SMIM24: variants seen among roughly 807,000 people sequenced by gnomAD.
The protein encoded by SMIM24 is MAP17-related dimer.
A neutral mutation model predicts 10.8 loss-of-function variants in SMIM24; 6 were observed. The observed-to-expected ratio is 0.55, with a 90% confidence interval of 0.30 to 1.09. The LOEUF (loss-of-function observed/expected upper bound fraction) is 1.09. SMIM24 is among the 50% of genes least tolerant of loss of function. The probability of loss-of-function intolerance (pLI) is 0.06; values close to 1 mark genes in which losing one functional copy is unlikely to be tolerated. For missense variants in SMIM24, 151 were observed against 153.4 expected (o/e 0.98, Z 0.08); for synonymous variants, 71 against 62.4 (o/e 1.14, Z -0.65).
chr19:3,478,181 A>T (rs1599750857), intron 3 of SMIM24, among the ~76,000 whole-genome samples: 1 of 152,196 alleles, frequency 6.6e-6, no homozygotes, highest in East Asian at 1.9e-4. Flanking sequence ...TCCACTGGTG[A>T]TAAGCATGAA....
rs2082814077 is a variant in SMIM24, at chr19:3,480,414, G to A, written c.50C>T (p.Pro17Leu). The A allele has an allele frequency of 1.4e-6, 2 of 1,417,394 alleles. No individual in the cohort carries two copies. Among genetic ancestry groups the A allele is most frequent in the Admixed American group, 2.2e-5 (1 of 45,194 alleles). 87.8% of individuals were successfully genotyped at this position (1,417,394 alleles called of 1,614,324 possible). A position where few individuals can be genotyped will look rare whatever the true frequency, so the allele number is the denominator to read the frequency against. The change falls in exon 1 of 4, where the codon CCG (proline) becomes CTG (leucine). Residue 17 changes from proline to leucine, a missense_variant. Physicochemically the swap from Pro to Leu is moderately conservative, Grantham distance 98. Coordinates refer to ENST00000215531, the MANE Select transcript of SMIM24 (RefSeq NM_001136503.2). ...GCACCTACCCTGCTGGGCCTCCACC[G>A]GGGAGAGGAGCAGAAACTCCAGCAC... ...LLVLEFLLLS[P>L]VEAQQATEHR...
chr19:3,480,502 C>T lies in SMIM24; in HGVS notation c.-39G>A, dbSNP rs1021317089. The T allele has an allele frequency of 5.2e-6, 8 of 1,543,726 alleles. No individual in the cohort carries two copies. The highest frequency in any genetic ancestry group is 5.3e-6 in the Non-Finnish European group (6 of 1,142,458). On this transcript the variant is annotated 5_prime_UTR_variant, in exon 1 of 4. Transcript: ENST00000215531. ...GCCAGCAGCCAGCCAGCGGCGGTCC[C>T]GGGTCGGCGTCCACAGGTTTGGTGT... is the stretch of plus-strand genomic sequence containing the variant.
chr19:3,477,388 GATGA>G (rs1295273996), intron 3 of SMIM24, among the ~76,000 whole-genome samples: 1 of 148,748 alleles, frequency 6.7e-6, no homozygotes, highest in East Asian at 2.1e-4. Context: ...GATGGGGGGT[GATGA>G]ATGGATGGGT....
chr19:3,475,471 G>A (rs544736907), intron 3 of SMIM24, among the ~76,000 whole-genome samples: 1 of 151,530 alleles, frequency 6.6e-6, no homozygotes, highest in African/African-American at 2.4e-5. Flanking sequence ...ATGATGGATG[G>A]GGGTATGGAT....
Position 3,474,648 on chromosome 19 carries a change from G to C in SMIM24, c.*195C>G, listed in dbSNP as rs764675799. ...GCAGGGACCAAGCTCAGGAAGAGGG[G>C]TGCATGAAAACCATGTTTGCCCAGA... On this transcript the variant is annotated 3_prime_UTR_variant, in exon 4 of 4. Transcript: ENST00000215531. 134 of 621,250 alleles carry C rather than the reference G, an allele frequency of 2.2e-4. No homozygotes were observed. Among genetic ancestry groups the C allele is most frequent in the Admixed American group, 3.5e-4 (11 of 31,686 alleles). The allele number at this position is 621,250 out of a possible 1,614,324, so 38.5% of individuals were successfully genotyped here. A position where few individuals can be genotyped will look rare whatever the true frequency, so the allele number is the denominator to read the frequency against.
chr19:3,477,719 G>T (rs2082799821), intron 3 of SMIM24, among the ~76,000 whole-genome samples: 1 of 147,556 alleles, frequency 6.8e-6, no homozygotes, highest in Non-Finnish European at 1.5e-5. Flanking sequence ...GGTGGGTGAT[G>T]GATGGATGGG....
intron 2 of SMIM24, 142 bp from the exon 3 acceptor site, chr19:3,478,620 G>C (rs2082803257): frequency 1.1e-6 from 1 of 926,070 alleles, no homozygotes; most frequent in African/African-American, 1.7e-5. Context: ...GGAAGGGCTG[G>C]GCTGCCTGGC....
chr19:3,478,052 C>A (rs2082801103), intron 3 of SMIM24, among the ~76,000 whole-genome samples: 1 of 152,138 alleles, frequency 6.6e-6, no homozygotes, highest in African/African-American at 2.4e-5. Flanking sequence ...TTATTAAGCA[C>A]CTCCTGTGTT....
rs572154269 is a variant in SMIM24 at position 3,480,412 on chromosome 19, C to A, written c.52G>T (p.Val18Leu). 6.5e-7 allele frequency: 1 copy of A among 1,548,924 alleles called. No homozygotes were observed. The highest frequency in any genetic ancestry group is 1.4e-5 in the African/African-American group (1 of 72,930). The change falls in exon 1 of 4, where the codon GTG becomes TTG. Residue 18 changes from valine to leucine, a missense_variant. Physicochemically the swap from Val to Leu is conservative, Grantham distance 32. Transcript: ENST00000215531. Reference protein sequence around the residue: ...LVLEFLLLSPVEAQQATEHRL... With the variant: ...LVLEFLLLSPLEAQQATEHRL... ...CTGCACCTACCCTGCTGGGCCTCCACCGGGGAGAGGAGCAGAAACTCCAGC... is the reference window on the plus strand; with the variant it reads ...CTGCACCTACCCTGCTGGGCCTCCAACGGGGAGAGGAGCAGAAACTCCAGC...
intron 3 of SMIM24, among the ~76,000 whole-genome samples, chr19:3,477,136 C>T (rs117410343): frequency 0.063 from 3,778 of 59,966 alleles, 84 homozygotes; most frequent in Non-Finnish European, 0.094. Context: ...CATGGATGGT[C>T]GGTGGATGGA....
intron 3 of SMIM24, 68 bp downstream of exon 3, chr19:3,478,351 T>G: frequency 2.8e-6 from 4 of 1,416,256 alleles, no homozygotes; most frequent in Non-Finnish European, 3.8e-6. Flanking sequence ...CAAGGTCATC[T>G]GCGCACACCC....
intron 3 of SMIM24, 79 bp downstream of exon 3, chr19:3,478,340 G>T: frequency 7.4e-7 from 1 of 1,346,006 alleles, no homozygotes; most frequent in Non-Finnish European, 1.0e-6. Flanking sequence ...ATTCAGGACA[G>T]CAAGGTCATC....
Position 3,480,417 on chromosome 19 carries a change from G to C in SMIM24, c.47C>G (p.Ser16Cys), listed in dbSNP as rs750433493. Residue 16 changes from serine to cysteine, a missense_variant, in exon 1 of 4, where the codon TCC (serine) becomes TGC (cysteine). By Grantham distance (112) the Ser-to-Cys change is moderately radical. Coordinates refer to ENST00000215531, the MANE Select transcript of SMIM24 (RefSeq NM_001136503.2). ...CCTACCCTGCTGGGCCTCCACCGGG[G>C]AGAGGAGCAGAAACTCCAGCACCAG... ...ALLVLEFLLL[S>C]PVEAQQATEH... 2 of 1,549,136 alleles carry C rather than the reference G, an allele frequency of 1.3e-6. No homozygotes were observed. The highest frequency in any genetic ancestry group is 3.9e-5 in the Admixed American group (2 of 50,916).
intron 3 of SMIM24, among the ~76,000 whole-genome samples, chr19:3,477,994 G>C (rs1161399462): frequency 6.6e-6 from 1 of 152,044 alleles, no homozygotes; most frequent in East Asian, 1.9e-4. Flanking sequence ...CCTAGGCCTT[G>C]TACAGACACC....
At chr19:3,479,518 A>C (rs1440820473) in intron 1 of SMIM24, among the ~76,000 whole-genome samples, 4 of 142,504 alleles carry the variant, frequency 2.8e-5, no homozygotes. Flanking sequence ...GGTGCTTATA[A>C]GGGGAGAGGG....
At chr19:3,479,199 T>C (rs2082806399) in intron 1 of SMIM24, 4 of 371,362 alleles carry the variant, frequency 1.1e-5, no homozygotes, top group Non-Finnish European at 1.9e-5. Flanking sequence ...GGGGACGGAG[T>C]TTACAAATCA....
At chr19:3,480,247 G>A in intron 1 of SMIM24, 150 bp downstream of exon 1, 8 of 791,500 alleles carry the variant, frequency 1.0e-5, no homozygotes, top group South Asian at 7.5e-5. Context: ...GAGGCCGGGC[G>A]GTACTGCGGG....
chr19:3,480,416 G>T lies in SMIM24; in HGVS notation c.48C>A (p.Ser16=). ...ALLVLEFLLL[S]PVEAQQATEH... is the part of the protein sequence containing the mutation. The stretch of plus-strand genomic sequence containing the variant: ...ACCTACCCTGCTGGGCCTCCACCGG[G>T]GAGAGGAGCAGAAACTCCAGCACCA... The change falls in exon 1 of 4, where the codon TCC becomes TCA. Residue 16 remains serine, a synonymous_variant. Coordinates refer to ENST00000215531, the MANE Select transcript of SMIM24 (RefSeq NM_001136503.2). 9 of 1,549,190 alleles carry T rather than the reference G, an allele frequency of 5.8e-6. No individual in the cohort carries two copies. The highest frequency in any genetic ancestry group is 7.9e-6 in the Non-Finnish European group (9 of 1,146,384).
chr19:3,479,176 AG>A (rs2082806198), intron 1 of SMIM24: 2 of 256,764 alleles, frequency 7.8e-6, no homozygotes, highest in African/African-American at 3.4e-5. Context: ...TTATAAAAGA[AG>A]GGGGGCTTAG....
Sources: allele counts gnomAD v4.1 joint callset (sites outside exome capture counted in the v4.1 genomes callset), GRCh38; gene constraint gnomAD v4.1.1; transcripts MANE v1.5; gene names NCBI Gene and HGNC (gene_info 2026-07-23, HGNC 2026-07-21).